The following ZSCAN32 variants were observed in gnomAD, a reference collection of about 807,000 sequenced individuals.
ZSCAN32 encodes the protein zinc finger and SCAN domain-containing protein 32.
Under a neutral mutation model 47.4 loss-of-function variants are expected in ZSCAN32, and 52 were observed. The ratio of observed to expected loss-of-function variants is 1.10; its 90% CI spans 0.88 to 1.38. ZSCAN32 has a LOEUF of 1.38. ZSCAN32 is among the 40% of genes most tolerant of loss of function. ZSCAN32 has a pLI of 0.00. For synonymous variants in ZSCAN32, 346 were observed against 305.7 expected (o/e 1.13, Z -1.38); for missense variants, 959 against 846.0 (o/e 1.13, Z -1.66).
At position 3,397,370 on chromosome 16, in the gene ZSCAN32, C is replaced by A; in HGVS notation, c.188G>T (p.Cys63Phe). ...EAFSKLWELC[C>F]QWLRPKTHSK... ...GTGGGTCTTCGGCCTCAGCCACTGA[C>A]AACAGAGTTCCCAGAGTTTGCTAAA... Residue 63 changes from cysteine to phenylalanine, a missense_variant, in exon 2 of 7, where the codon TGT becomes TTT. By Grantham distance (205) the Cys-to-Phe change is radical (BLOSUM62 -2). Coordinates refer to ENST00000396852, the MANE Select transcript of ZSCAN32 (RefSeq NM_001284527.2). The A allele has an allele frequency of 6.4e-7, 1 of 1,556,378 alleles. No homozygotes were observed. The highest frequency in any genetic ancestry group is 8.7e-7 in the Non-Finnish European group (1 of 1,150,280).
At position 3,383,034 on chromosome 16, in the gene ZSCAN32, A is replaced by G; in HGVS notation, c.1912T>C (p.Cys638Arg). The change falls in exon 7 of 7, where the codon TGT (cysteine) becomes CGT (arginine). Residue 638 changes from cysteine (C) to arginine (R), a missense_variant. By Grantham distance (180) the Cys-to-Arg change is radical. Transcript: ENST00000396852. ...TGESPYKCAVCGKIFNNSSHF... is the reference protein window; with the variant it reads ...TGESPYKCAVRGKIFNNSSHF... ...GAGCTATTGTTGAAGATTTTCCCAC[A>G]CACTGCACACTTGTATGGGCTCTCC... 1 of 1,614,110 alleles carries G rather than the reference A, an allele frequency of 6.2e-7. No individual in the cohort carries two copies. The highest frequency in any genetic ancestry group is 8.5e-7 in the Non-Finnish European group (1 of 1,179,990).
At chr16:3,383,927 C>A in intron 6 of ZSCAN32, 1 of 568,872 alleles carries the variant, frequency 1.8e-6, no homozygotes, top group Middle Eastern at 2.7e-4. Flanking sequence ...CAACTTTTCT[C>A]CTATCTTTTT....
At chr16:3,399,217 G>A (rs1306258410) in intron 1 of ZSCAN32, among the ~76,000 whole-genome samples, 2 of 152,060 alleles carry the variant, frequency 1.3e-5, no homozygotes, top group African/African-American at 4.8e-5. Context: ...GAGCGAGACT[G>A]TCTCAAAAAA....
intron 2 of ZSCAN32, among the ~76,000 whole-genome samples, chr16:3,395,596 A>G (rs2033295847): frequency 6.6e-6 from 1 of 152,216 alleles, no homozygotes; most frequent in Non-Finnish European, 1.5e-5. Context: ...TCTTCTCTTT[A>G]TAAATTATCC....
At chr16:3,390,252 C>T in intron 4 of ZSCAN32, 119 bp from the exon 5 acceptor site, 3 of 1,449,396 alleles carry the variant, frequency 2.1e-6, no homozygotes, top group South Asian at 1.4e-5. Flanking sequence ...GGGAGGTCAG[C>T]TCCCAGTGGG....
rs1422024801 is a variant in ZSCAN32, at chr16:3,382,590, C to A, written c.*262G>T. ...TCTCAGTGCTAGGAACAGGAAGACC[C>A]TGGTTTCCTGGTAGAATTTATGGAT... On this transcript the variant is annotated 3_prime_UTR_variant, in exon 7 of 7. Coordinates refer to ENST00000396852, the MANE Select transcript of ZSCAN32 (RefSeq NM_001284527.2). 1.2e-5 allele frequency: 4 copies of A among 347,374 alleles called. No individual in the cohort carries two copies. The highest frequency in any genetic ancestry group is 2.0e-5 in the Non-Finnish European group (4 of 197,178). 21.5% of individuals were successfully genotyped at this position (347,374 alleles called of 1,614,324 possible).
intron 2 of ZSCAN32, among the ~76,000 whole-genome samples, chr16:3,394,933 G>A (rs1027405444): frequency 2.0e-5 from 3 of 152,134 alleles, no homozygotes; most frequent in Non-Finnish European, 4.4e-5. Flanking sequence ...CTGCCTCACA[G>A]CCTATCTCCC....
At chr16:3,383,850 CTTT>C (rs1049522702) in intron 6 of ZSCAN32, 139 bp from the exon 7 acceptor site, 1 of 955,454 alleles carries the variant, frequency 1.0e-6, no homozygotes, top group African/African-American at 1.7e-5. Flanking sequence ...TAATTAATAG[CTTT>C]TTATTTTCTC....
chr16:3,390,066 G>A lies in ZSCAN32; in HGVS notation c.695C>T (p.Ala232Val), dbSNP rs776134054. 9 of 1,614,026 alleles carry A rather than the reference G, an allele frequency of 5.6e-6. No individual in the cohort carries two copies. The highest frequency in any genetic ancestry group is 6.8e-6 in the Non-Finnish European group (8 of 1,179,978). The change falls in exon 5 of 7, where the codon GCA becomes GTA. Residue 232 changes from alanine to valine, a missense_variant. Transcript: ENST00000396852. ...GGCACCCCTGTAGAGGGCCCTTTGTGCAGGGCCTGGGCACATCCATTCTTG... is the reference window on the plus strand; with the variant it reads ...GGCACCCCTGTAGAGGGCCCTTTGTACAGGGCCTGGGCACATCCATTCTTG... Reference protein sequence around the residue: ...CQQEWMCPGPAQRALYRGATQ... With the variant: ...CQQEWMCPGPVQRALYRGATQ...
At position 3,393,658 on chromosome 16, in the gene ZSCAN32, G is replaced by A. The variant is rs2033083661; in HGVS notation, c.523C>T (p.Gln175Ter). Residue 175 changes from glutamine to a stop codon, truncating the protein, a stop_gained, in exon 3 of 7, where the codon CAG (glutamine) becomes TAG (stop). Coordinates refer to ENST00000396852, the MANE Select transcript of ZSCAN32 (RefSeq NM_001284527.2). LOFTEE classifies it high-confidence loss of function. ...AGAGGCTTCTGCTTACCTTCTGACT[G>A]TTCCCCTGGTCTTTGGTGTGAGCTC... ...SQSSHQRPGE[Q>*]SEAWLAPQAP... 1 of 1,546,814 alleles carries A rather than the reference G, an allele frequency of 6.5e-7. No individual in the cohort carries two copies. Among genetic ancestry groups the A allele is most frequent in the Non-Finnish European group, 8.7e-7 (1 of 1,145,152 alleles).
intron 5 of ZSCAN32, among the ~76,000 whole-genome samples, chr16:3,387,463 G>A (rs146173148): frequency 2.6e-5 from 4 of 152,346 alleles, no homozygotes; most frequent in African/African-American, 9.6e-5. Context: ...TCTGAGAAGA[G>A]CAGTTCAGGA....
intron 5 of ZSCAN32, among the ~76,000 whole-genome samples, chr16:3,385,184 G>A (rs1167059142): frequency 2.0e-5 from 3 of 152,080 alleles, no homozygotes; most frequent in Non-Finnish European, 4.4e-5. Flanking sequence ...AAAATAGCTG[G>A]GTGTGGTGCC....
chr16:3,383,821 A>G, intron 6 of ZSCAN32, 110 bp from the exon 7 acceptor site: 2 of 1,176,104 alleles, frequency 1.7e-6, no homozygotes, highest in South Asian at 2.0e-5. Flanking sequence ...GAAATTCTTC[A>G]TGTGATTAAG....
chr16:3,390,291 G>T (rs1192747927), intron 4 of ZSCAN32, 132 bp downstream of exon 4: 11 of 1,353,340 alleles, frequency 8.1e-6, no homozygotes, highest in Non-Finnish European at 1.1e-5. Flanking sequence ...GATGATGTCA[G>T]AGTGGACAGA....
chr16:3,383,256 G>C lies in ZSCAN32; in HGVS notation c.1690C>G (p.Leu564Val). Residue 564 changes from leucine to valine, a missense_variant, in exon 7 of 7, where the codon CTC (leucine) becomes GTC (valine). Leu to Val is a conservative substitution (Grantham distance 32, BLOSUM62 1). Transcript: ENST00000396852. ...CGKGFSERSN[L>V]TAHLRTHTGE... ...GTGTGAGTTCGTAGGTGGGCAGTGAGGTTGGAGCGCTCACTAAAGCCCTTC... is the reference window on the plus strand; with the variant it reads ...GTGTGAGTTCGTAGGTGGGCAGTGACGTTGGAGCGCTCACTAAAGCCCTTC... 1.2e-6 allele frequency: 2 copies of C among 1,614,170 alleles called. No homozygotes were observed. Among genetic ancestry groups the C allele is most frequent in the African/African-American group, 1.3e-5 (1 of 75,050 alleles).
chr16:3,399,797 A>C (rs2033717908), intron 1 of ZSCAN32, among the ~76,000 whole-genome samples: 1 of 152,110 alleles, frequency 6.6e-6, no homozygotes, highest in African/African-American at 2.4e-5. Context: ...GTAGAGGTGG[A>C]GTTTCACTAT....
intron 4 of ZSCAN32, 138 bp downstream of exon 4, chr16:3,390,285 A>T: frequency 7.3e-7 from 1 of 1,361,144 alleles, no homozygotes; most frequent in Non-Finnish European, 9.9e-7. Context: ...CCATGTGATG[A>T]TGTCAGAGTG....
At chr16:3,386,163 T>G (rs1451095976) in intron 5 of ZSCAN32, among the ~76,000 whole-genome samples, 1 of 152,132 alleles carries the variant, frequency 6.6e-6, no homozygotes, top group African/African-American at 2.4e-5. Flanking sequence ...AAGAAGACAT[T>G]TATGCAGCCA....
chr16:3,385,093 G>A (rs1262323418), intron 5 of ZSCAN32, 152 bp from the exon 6 acceptor site: 2 of 849,172 alleles, frequency 2.4e-6, no homozygotes, highest in Non-Finnish European at 3.6e-6. Context: ...GGGAGGCCAA[G>A]GCGGGCAGAT....
Sources: gnomAD v4.1 joint callset for allele counts (sites outside exome capture counted in the v4.1 genomes callset) on GRCh38, gnomAD v4.1.1 for gene constraint, MANE v1.5 for transcripts, NCBI Gene and HGNC (gene_info 2026-07-23, HGNC 2026-07-21) for gene names.